AGAP1: variants seen among roughly 807,000 people sequenced by gnomAD.
AGAP1 encodes the protein ArfGAP with GTPase domain, ankyrin repeat and PH domain 1.
AGAP1 carries 29 observed loss-of-function variants against 105.3 expected under a neutral mutation model. That is an observed-to-expected ratio of 0.28 (90% CI 0.21 to 0.38). AGAP1 has a LOEUF of 0.38. Among genes scored for constraint, AGAP1 ranks in the 10% least tolerant of loss-of-function variants. The pLI, the probability that AGAP1 is intolerant of heterozygous loss-of-function variation, is 1.00. For synonymous variants in AGAP1, 509 were observed against 485.9 expected, an observed-to-expected ratio of 1.05 and a Z score of -0.63; for missense variants, 998 against 1,165.1, an observed-to-expected ratio of 0.86 and a Z score of 2.09.
At chr2:235,674,769 A>G (rs1328398321) in intron 1 of AGAP1, among the ~76,000 whole-genome samples, 2 of 148,252 alleles carry the variant, frequency 1.3e-5, no homozygotes, top group Non-Finnish European at 3.0e-5. Flanking sequence ...GCTCACTGCA[A>G]CCTCCCCCTC....
intron 2 of AGAP1, among the ~76,000 whole-genome samples, chr2:235,710,646 G>A (rs1427947232): frequency 2.0e-5 from 3 of 152,218 alleles, no homozygotes. Flanking sequence ...TCTGTCTTTT[G>A]TGTGCTTTGT....
rs757567884 is a variant in AGAP1 at position 236,050,197 on chromosome 2, T to A, written c.2114+916T>A. 5.3e-5 allele frequency among the ~76,000 whole-genome samples: 8 copies of A among 152,242 alleles called. No homozygotes were observed. The highest frequency in any genetic ancestry group is 1.0e-4 in the Non-Finnish European group (7 of 68,044). On this transcript the variant is annotated intron_variant, in intron 16 of 17. Coordinates refer to ENST00000304032, the MANE Select transcript of AGAP1 (RefSeq NM_001037131.3). The surrounding 1 kb of genome is among the most constrained non-coding windows in gnomAD (Gnocchi z 4.0). ...GAAAGTTCAAGTGGTAATCTGTGGT[T>A]ACGCCACAGAAACCGGTTTCTACTG...
chr2:235,701,756 C>T lies in AGAP1; in HGVS notation c.164-7423C>T, dbSNP rs918356134. Among the ~76,000 whole-genome samples the T allele has an allele frequency of 3.9e-5, 6 of 152,190 alleles. No individual in the cohort carries two copies. The highest frequency in any genetic ancestry group is 3.9e-4 in the East Asian group (2 of 5,166). On this transcript the variant is annotated intron_variant, in intron 1 of 17. Coordinates refer to ENST00000304032, the MANE Select transcript of AGAP1 (RefSeq NM_001037131.3). This position sits in a 1 kb window ranked among gnomAD's most constrained non-coding sequence, Gnocchi z 4.1. ...TTTGCAGCGGGCTCTTTTCCGGCTG[C>T]GTTGAAATGGATTTCTTTATTCTAT...
rs1945693758 is a variant in AGAP1, at chr2:235,600,531, A to G, written c.163+105682A>G. 6.6e-6 allele frequency among the ~76,000 whole-genome samples: 1 copy of G among 152,162 alleles called. No individual in the cohort carries two copies. The highest frequency in any genetic ancestry group is 2.4e-5 in the African/African-American group (1 of 41,440). The stretch of plus-strand genomic sequence containing the variant: ...ATATGTAATAAAGGGGAGTTTATTA[A>G]GGAGTATTAACTCACAGGATCACAA... On this transcript the variant is annotated intron_variant, in intron 1 of 17. Transcript: ENST00000304032. This position sits in a 1 kb window ranked among gnomAD's most constrained non-coding sequence, Gnocchi z 4.8.
chr2:236,097,380 C>CTTTTTTTT lies in AGAP1; in HGVS notation c.2115-22788_2115-22781dup, dbSNP rs58882083. On this transcript the variant is annotated intron_variant, in intron 16 of 17. Transcript: ENST00000304032. ...ATAATATAAAATTTGTCATCCTAATCTTTTTTTTTTTTTTTTTTTTTTTTT... is the reference window on the plus strand; with the variant it reads ...ATAATATAAAATTTGTCATCCTAATCTTTTTTTTTTTTTTTTTTTTTTTTTTTTTTTTT... Among the ~76,000 whole-genome samples, 195 of 48,672 alleles carry CTTTTTTTT rather than the reference C, an allele frequency of 4.0e-3. 18 individuals are homozygous for CTTTTTTTT. The highest frequency in any genetic ancestry group is 6.7e-3 in the East Asian group (9 of 1,336). 31.9% of individuals were successfully genotyped at this position (48,672 alleles called of 152,430 possible).
Position 235,866,357 on chromosome 2 carries a change from C to T in AGAP1, c.1051-16988C>T, listed in dbSNP as rs779463069. 1.4e-4 allele frequency among the ~76,000 whole-genome samples: 22 copies of T among 152,194 alleles called. 1 individual carries two copies. Among genetic ancestry groups the T allele is most frequent in the African/African-American group, 4.3e-4 (18 of 41,510 alleles). Reference sequence around the variant, plus strand: ...GAGGGAGACAATCCGTGTGTGTGATCGGGGTGTTCTGGACTTGAGGTACCT... The same window carrying T: ...GAGGGAGACAATCCGTGTGTGTGATTGGGGTGTTCTGGACTTGAGGTACCT... On this transcript the variant is annotated intron_variant, in intron 9 of 17. Coordinates refer to ENST00000304032, the MANE Select transcript of AGAP1 (RefSeq NM_001037131.3). This position sits in a 1 kb window ranked among gnomAD's most constrained non-coding sequence, Gnocchi z 6.1.
intron 9 of AGAP1, among the ~76,000 whole-genome samples, chr2:235,878,018 G>A (rs138769144): frequency 6.6e-6 from 1 of 152,342 alleles, no homozygotes; most frequent in African/African-American, 2.4e-5. Context: ...TGGGGCTGAG[G>A]GCAGCCCGCT....
intron 16 of AGAP1, among the ~76,000 whole-genome samples, chr2:236,102,045 G>A (rs2125907836): frequency 1.3e-5 from 2 of 152,260 alleles, no homozygotes; most frequent in Admixed American, 1.3e-4. Context: ...AATTTGGGAG[G>A]CTGAGGCAGG....
Position 235,959,003 on chromosome 2 carries a change from AATGTGCGGG to A in AGAP1, c.1484-9455_1484-9447del, listed in dbSNP as rs1379168494. Among the ~76,000 whole-genome samples, 2 of 152,202 alleles carry A rather than the reference AATGTGCGGG, an allele frequency of 1.3e-5. No individual in the cohort carries two copies. The highest frequency in any genetic ancestry group is 2.9e-5 in the Non-Finnish European group (2 of 68,032). On this transcript the variant is annotated intron_variant, in intron 12 of 17. Coordinates refer to ENST00000304032, the MANE Select transcript of AGAP1 (RefSeq NM_001037131.3). This position sits in a 1 kb window ranked among gnomAD's most constrained non-coding sequence, Gnocchi z 7.3. ...TGGGAAGAACTAATGGCTGACATTG[AATGTGCGGG>A]ATGGTGCCGGCCCATCCCGGCTCAG...
chr2:235,908,679 G>A lies in AGAP1; in HGVS notation c.1156-59G>A. On this transcript the variant is annotated intron_variant, in intron 10 of 17. Transcript: ENST00000304032. This position sits in a 1 kb window ranked among gnomAD's most constrained non-coding sequence, Gnocchi z 4.4. ...ACGTCTGATAGACCCTTTTGTTCTAGGTTGTAAAAGGTCTTTTTTTTTTTT... is the reference window on the plus strand; with the variant it reads ...ACGTCTGATAGACCCTTTTGTTCTAAGTTGTAAAAGGTCTTTTTTTTTTTT... The A allele has an allele frequency of 1.4e-6, 2 of 1,466,882 alleles. No individual in the cohort carries two copies. Among genetic ancestry groups the A allele is most frequent in the African/African-American group, 1.5e-5 (1 of 66,978 alleles). 90.9% of individuals were successfully genotyped at this position (1,466,882 alleles called of 1,614,324 possible). A position where few individuals can be genotyped will look rare whatever the true frequency, so the allele number is the denominator to read the frequency against.
intron 1 of AGAP1, among the ~76,000 whole-genome samples, chr2:235,673,439 T>A (rs1246272493): frequency 6.6e-6 from 1 of 152,178 alleles, no homozygotes; most frequent in African/African-American, 2.4e-5. Flanking sequence ...AAATTTTGGA[T>A]CTGAGGAAGG....
At chr2:235,709,844 C>T (rs1026390821) in intron 2 of AGAP1, among the ~76,000 whole-genome samples, 10 of 152,114 alleles carry the variant, frequency 6.6e-5, no homozygotes, top group South Asian at 2.1e-4. Context: ...TCCCCTCTAC[C>T]GTAGGATGGA....
intron 1 of AGAP1, among the ~76,000 whole-genome samples, chr2:235,543,716 T>C (rs866108799): frequency 6.6e-6 from 1 of 152,120 alleles, no homozygotes; most frequent in African/African-American, 2.4e-5. Flanking sequence ...CCTGCAGGCC[T>C]AGGAGGCTGG....
intron 9 of AGAP1, among the ~76,000 whole-genome samples, chr2:235,862,360 T>A (rs77692888): frequency 6.6e-6 from 1 of 152,032 alleles, no homozygotes; most frequent in South Asian, 2.1e-4. Context: ...AAAGTGGCGG[T>A]GGTAGTAATA....
At chr2:235,818,967 G>C (rs904094102) in intron 9 of AGAP1, among the ~76,000 whole-genome samples, 1 of 152,244 alleles carries the variant, frequency 6.6e-6, no homozygotes, top group Admixed American at 6.5e-5. Context: ...ACGCAGGGCT[G>C]TCCTGGAAAG....
At chr2:235,687,113 C>G (rs766331298) in intron 1 of AGAP1, among the ~76,000 whole-genome samples, 1 of 152,198 alleles carries the variant, frequency 6.6e-6, no homozygotes, top group African/African-American at 2.4e-5. Flanking sequence ...AACATTCTCA[C>G]TTGGCCTCAG....
At position 235,919,048 on chromosome 2, in the gene AGAP1, G is replaced by A. The variant is rs1476877386; in HGVS notation, c.1324+10142G>A. Among the ~76,000 whole-genome samples the A allele has an allele frequency of 2.0e-5, 3 of 152,208 alleles. No individual in the cohort carries two copies. Among genetic ancestry groups the A allele is most frequent in the Non-Finnish European group, 4.4e-5 (3 of 68,040 alleles). ...TTTCTCTCAAAAATGTGTGTGGGCA[G>A]GGAGGAATAGTGTTTCAGCTGCTGA... On this transcript the variant is annotated intron_variant, in intron 11 of 17. Transcript: ENST00000304032. This position sits in a 1 kb window ranked among gnomAD's most constrained non-coding sequence, Gnocchi z 4.1.
chr2:235,763,355 G>A (rs1256430987), intron 6 of AGAP1, among the ~76,000 whole-genome samples: 2 of 151,774 alleles, frequency 1.3e-5, no homozygotes, highest in South Asian at 2.1e-4. Context: ...CAAGAGATCC[G>A]CGACCGTGAA....
rs2059994114 is a variant in AGAP1, at chr2:236,125,755, TCCAGCCGCTTCAGACGTCCG to T, written c.*1636_*1655del. ...CGCCTGATTTTCCATCGTTGCGGTA[TCCAGCCGCTTCAGACGTCCG>T]CCGCCTTCAGTGGTGGTAGTCAAAT... On this transcript the variant is annotated 3_prime_UTR_variant, in exon 18 of 18. Coordinates refer to ENST00000304032, the MANE Select transcript of AGAP1 (RefSeq NM_001037131.3). The surrounding 1 kb of genome is among the most constrained non-coding windows in gnomAD (Gnocchi z 5.2). 1 of 152,168 alleles carries T rather than the reference TCCAGCCGCTTCAGACGTCCG, an allele frequency of 6.6e-6. No homozygotes were observed. The highest frequency in any genetic ancestry group is 1.9e-4 in the East Asian group (1 of 5,172). The allele number at this position is 152,168 out of a possible 1,614,324, so 9.4% of individuals were successfully genotyped here. A position where few individuals can be genotyped will look rare whatever the true frequency, so the allele number is the denominator to read the frequency against.
Sources: gnomAD v4.1 joint callset for allele counts (sites outside exome capture counted in the v4.1 genomes callset) on GRCh38, gnomAD v4.1.1 for gene constraint, Gnocchi (gnomAD v3.1) non-coding constraint, MANE v1.5 for transcripts, NCBI Gene and HGNC (gene_info 2026-07-23, HGNC 2026-07-21) for gene names.